The following FUT9 variants were observed in gnomAD, a reference collection of about 807,000 sequenced individuals.
FUT9 encodes fucosyltransferase 9.
FUT9 carries 15 observed loss-of-function variants against 29.7 expected under a neutral mutation model. That is an observed-to-expected ratio of 0.51 (90% CI 0.34 to 0.78). The LOEUF is 0.78. Ranked by LOEUF, FUT9 falls within the 30% of genes least tolerant of loss-of-function variation. The pLI is 0.01. For missense variants in FUT9, 319 were observed against 425.4 expected (o/e 0.75, Z 2.20); for synonymous variants, 169 against 153.7 (o/e 1.10, Z -0.74).
At chr6:96,138,868 G>C (rs375119740) in intron 2 of FUT9, among the ~76,000 whole-genome samples, 2 of 151,932 alleles carry the variant, frequency 1.3e-5, no homozygotes, top group South Asian at 4.2e-4. Context: ...ACTTAGTATG[G>C]AGCTTTCAGG....
rs548032246 is a variant in FUT9 at position 96,063,178 on chromosome 6, A to G, written c.-98+46966A>G. 1.1e-4 allele frequency among the ~76,000 whole-genome samples: 17 copies of G among 152,324 alleles called. No individual in the cohort carries two copies. In the East Asian group the frequency reaches 3.1e-3, roughly 28 times the overall value. The stretch of plus-strand genomic sequence containing the variant: ...TCTGTGGATTTATGGAAAATGAGAA[A>G]TATAAAAGCTGGCTGACAATTTAGG... On this transcript the variant is annotated intron_variant, in intron 1 of 2. Transcript: ENST00000302103.
At chr6:96,052,591 G>A (rs1770690327) in intron 1 of FUT9, among the ~76,000 whole-genome samples, 1 of 152,146 alleles carries the variant, frequency 6.6e-6, no homozygotes, top group Non-Finnish European at 1.5e-5. Flanking sequence ...AATCTCATGT[G>A]CTCCCTAACC....
chr6:96,115,763 C>T (rs1771899021), intron 2 of FUT9, among the ~76,000 whole-genome samples: 1 of 152,142 alleles, frequency 6.6e-6, no homozygotes, highest in Non-Finnish European at 1.5e-5. Context: ...AAACCCTAAA[C>T]TTATTACTTA....
chr6:96,202,510 A>C (rs1773743819), intron 2 of FUT9, among the ~76,000 whole-genome samples: 1 of 152,166 alleles, frequency 6.6e-6, no homozygotes, highest in East Asian at 1.9e-4. Context: ...AATAAAAACA[A>C]AACACTGTGA....
At chr6:96,149,143 A>T (rs1372542651) in intron 2 of FUT9, among the ~76,000 whole-genome samples, 5 of 142,320 alleles carry the variant, frequency 3.5e-5, no homozygotes, top group Admixed American at 7.6e-5. Context: ...AGCCTGGGCA[A>T]CACAGTGAGA....
intron 1 of FUT9, among the ~76,000 whole-genome samples, chr6:96,071,450 T>C (rs535667571): frequency 5.8e-4 from 88 of 152,268 alleles, no homozygotes; most frequent in Non-Finnish European, 1.1e-3. Context: ...TGCCCAGATA[T>C]AATAACTATT....
intron 1 of FUT9, among the ~76,000 whole-genome samples, chr6:96,112,161 G>C (rs1474393394): frequency 1.3e-5 from 2 of 152,136 alleles, no homozygotes; most frequent in Admixed American, 1.3e-4. Context: ...GTCAGGTTTG[G>C]ATTTGACCCA....
chr6:96,156,672 T>C (rs1772791422), intron 2 of FUT9, among the ~76,000 whole-genome samples: 1 of 152,202 alleles, frequency 6.6e-6, no homozygotes, highest in Non-Finnish European at 1.5e-5. Context: ...AAATATCTGG[T>C]GTAGGCACTT....
chr6:96,104,337 A>C (rs1771639390), intron 1 of FUT9, among the ~76,000 whole-genome samples: 1 of 152,190 alleles, frequency 6.6e-6, no homozygotes, highest in African/African-American at 2.4e-5. Context: ...TAGAGTAAAT[A>C]TTTTAATATT....
intron 2 of FUT9, among the ~76,000 whole-genome samples, chr6:96,130,028 G>T (rs573992435): frequency 6.6e-6 from 1 of 151,904 alleles, no homozygotes; most frequent in Non-Finnish European, 1.5e-5. Context: ...TAAATTACAC[G>T]TCAGTTGGAA....
chr6:96,175,271 G>A (rs572893859), intron 2 of FUT9, among the ~76,000 whole-genome samples: 259 of 152,170 alleles, frequency 1.7e-3, no homozygotes, highest in Non-Finnish European at 2.4e-3. Flanking sequence ...CCATGGCCCC[G>A]TCACCTGCTT....
chr6:96,179,082 T>C (rs1023276984), intron 2 of FUT9, among the ~76,000 whole-genome samples: 2 of 152,128 alleles, frequency 1.3e-5, no homozygotes, highest in Non-Finnish European at 2.9e-5. Context: ...GAAATTGTTA[T>C]AGCTGTAAAT....
chr6:96,181,089 G>T (rs190237844), intron 2 of FUT9, among the ~76,000 whole-genome samples: 2 of 152,104 alleles, frequency 1.3e-5, no homozygotes, highest in Non-Finnish European at 1.5e-5. Context: ...GCTAGAAATT[G>T]TTATTAATTC....
intron 2 of FUT9, among the ~76,000 whole-genome samples, chr6:96,124,153 CTTTTTTTT>C (rs35122970): frequency 8.0e-6 from 1 of 125,062 alleles, no homozygotes; most frequent in Non-Finnish European, 1.7e-5. Flanking sequence ...TTTCTTTTTT[CTTTTTTTT>C]TTTTTTTTGA....
At chr6:96,049,933 C>T (rs1770635269) in intron 1 of FUT9, among the ~76,000 whole-genome samples, 1 of 152,080 alleles carries the variant, frequency 6.6e-6, no homozygotes, top group African/African-American at 2.4e-5. Context: ...CATAATCATT[C>T]TACAGGGCAG....
intron 1 of FUT9, among the ~76,000 whole-genome samples, chr6:96,025,056 A>T (rs1425250590): frequency 6.6e-6 from 1 of 151,846 alleles, no homozygotes; most frequent in Non-Finnish European, 1.5e-5. Context: ...AAGCAGTATG[A>T]TCCATAACCC....
intron 2 of FUT9, among the ~76,000 whole-genome samples, chr6:96,150,502 T>C (rs372747381): frequency 1.3e-5 from 2 of 152,186 alleles, no homozygotes; most frequent in South Asian, 4.1e-4. Flanking sequence ...ATGTGCACTT[T>C]AATCATCAGG....
Position 96,211,847 on chromosome 6 carries a change from C to G in FUT9, c.*7612C>G, listed in dbSNP as rs1244287900. 18 of 367,426 alleles carry G rather than the reference C, an allele frequency of 4.9e-5. No homozygotes were observed. The highest frequency in any genetic ancestry group is 3.6e-4 in the African/African-American group (17 of 47,658). 22.8% of individuals were successfully genotyped at this position (367,426 alleles called of 1,614,324 possible). ...AGAGTATTAGAAATGTCTGTTATGT[C>G]AGTAACATTAGAAAACTTCAAAAAC... On this transcript the variant is annotated 3_prime_UTR_variant, in exon 3 of 3. Transcript: ENST00000302103.
chr6:96,097,920 T>A (rs78347289), intron 1 of FUT9, among the ~76,000 whole-genome samples: 6,549 of 152,112 alleles, frequency 0.043, 174 homozygotes, highest in East Asian at 0.086. Context: ...CAAAAAAATA[T>A]GCATACAATT....
Sources: allele counts gnomAD v4.1 joint callset (sites outside exome capture counted in the v4.1 genomes callset), GRCh38; gene constraint gnomAD v4.1.1; transcripts MANE v1.5; gene names NCBI Gene and HGNC (gene_info 2026-07-23, HGNC 2026-07-21).